Variants in ADAMTSL1 observed in about 807,000 individuals in gnomAD.
ADAMTSL1 encodes the protein ADAMTS like 1.
In ADAMTSL1, 126 loss-of-function variants were observed where a neutral mutation model predicts 201.8. The observed-to-expected ratio is 0.62, with a 90% CI of 0.54 to 0.72. ADAMTSL1 has a LOEUF of 0.72. ADAMTSL1 is among the 30% of genes least tolerant of loss of function. The probability of loss-of-function intolerance (pLI) is 0.00; values close to 1 mark genes in which losing one functional copy is unlikely to be tolerated. For synonymous variants in ADAMTSL1, 1,121 were observed against 903.4 expected (o/e 1.24, Z -4.32); for missense variants, 2,679 against 2,277.8 (o/e 1.18, Z -3.59).
chr9:18,026,992 C>T (rs1820724815), intron 1 of ADAMTSL1, among the ~76,000 whole-genome samples: 1 of 151,786 alleles, frequency 6.6e-6, no homozygotes, highest in Non-Finnish European at 1.5e-5. Context: ...TAGTTTGTAT[C>T]CATAGAGGTG....
intron 2 of ADAMTSL1, among the ~76,000 whole-genome samples, chr9:18,245,339 A>G (rs1831218733): frequency 6.6e-6 from 1 of 152,164 alleles, no homozygotes; most frequent in Non-Finnish European, 1.5e-5. Flanking sequence ...GGGATAGCTT[A>G]TATTCCTATT....
chr9:18,414,427 G>A (rs2133329660), intron 2 of ADAMTSL1, among the ~76,000 whole-genome samples: 1 of 152,094 alleles, frequency 6.6e-6, no homozygotes, highest in Middle Eastern at 3.4e-3. Context: ...AGAAATAATA[G>A]TTTCCACTTC....
intron 2 of ADAMTSL1, among the ~76,000 whole-genome samples, chr9:18,178,152 C>G (rs1233524781): frequency 6.6e-5 from 10 of 152,188 alleles, no homozygotes; most frequent in Non-Finnish European, 1.2e-4. Flanking sequence ...ACAGTGGGCG[C>G]AGGTCAGTGG....
chr9:18,445,853 A>G (rs976671970), intron 2 of ADAMTSL1, among the ~76,000 whole-genome samples: 2 of 152,172 alleles, frequency 1.3e-5, no homozygotes, highest in African/African-American at 4.8e-5. Context: ...AGAATAATAT[A>G]CTAAGAATTA....
At chr9:18,215,728 C>A (rs182285626) in intron 2 of ADAMTSL1, among the ~76,000 whole-genome samples, 2 of 152,292 alleles carry the variant, frequency 1.3e-5, no homozygotes, top group Non-Finnish European at 2.9e-5. Flanking sequence ...GTTTTTGCTG[C>A]TCTTGCAGAT....
At chr9:18,601,483 G>A (rs1727997361) in intron 4 of ADAMTSL1, among the ~76,000 whole-genome samples, 1 of 152,172 alleles carries the variant, frequency 6.6e-6, no homozygotes, top group Admixed American at 6.6e-5. Flanking sequence ...AATTCCCAGG[G>A]AAGAGAGTCT....
intron 1 of ADAMTSL1, among the ~76,000 whole-genome samples, chr9:18,141,553 A>G (rs1196966300): frequency 6.6e-6 from 1 of 152,192 alleles, no homozygotes; most frequent in African/African-American, 2.4e-5. Flanking sequence ...GGCAGCACAG[A>G]GGTGTCTAGC....
chr9:18,838,041 G>A (rs1056036768), intron 23 of ADAMTSL1, among the ~76,000 whole-genome samples: 5 of 151,972 alleles, frequency 3.3e-5, no homozygotes, highest in Admixed American at 1.3e-4. Context: ...TTTTCTTCCC[G>A]AGACTGGGAA....
At chr9:18,482,557 T>C (rs1393213020) in intron 1 of ADAMTSL1, among the ~76,000 whole-genome samples, 1 of 152,196 alleles carries the variant, frequency 6.6e-6, no homozygotes, top group Non-Finnish European at 1.5e-5. Flanking sequence ...CATCCTGACA[T>C]AAATTCCAAG....
At chr9:18,035,663 C>G (rs1222611799) in intron 1 of ADAMTSL1, among the ~76,000 whole-genome samples, 2 of 152,122 alleles carry the variant, frequency 1.3e-5, no homozygotes, top group Non-Finnish European at 2.9e-5. Context: ...TTTTTCCTCC[C>G]ATAGTGCTCC....
rs530448607 is a variant in ADAMTSL1, at chr9:18,899,998, C to G, written c.4852-5784C>G. On this transcript the variant is annotated intron_variant, in intron 26 of 28. Transcript: ENST00000380548. ...CAAAAGAAACTATCATTAGAGAGAA[C>G]AGACAACCTACAGAATAGGAGAAAA... Among the ~76,000 whole-genome samples, 5 of 152,152 alleles carry G rather than the reference C, an allele frequency of 3.3e-5. No individual in the cohort carries two copies. In the South Asian group the frequency reaches 1.0e-3, roughly 31 times the overall value.
intron 23 of ADAMTSL1, among the ~76,000 whole-genome samples, chr9:18,864,799 A>T (rs1827404784): frequency 6.6e-6 from 1 of 152,224 alleles, no homozygotes; most frequent in African/African-American, 2.4e-5. Flanking sequence ...GGCACATTAT[A>T]GGTTACATCT....
chr9:18,840,064 C>A (rs1825611594), intron 23 of ADAMTSL1, among the ~76,000 whole-genome samples: 1 of 147,878 alleles, frequency 6.8e-6, no homozygotes, highest in African/African-American at 2.5e-5. Flanking sequence ...TCAATTTTGT[C>A]TTTTGTTGCC....
intron 1 of ADAMTSL1, among the ~76,000 whole-genome samples, chr9:17,966,578 G>A (rs1260436256): frequency 1.3e-5 from 2 of 152,070 alleles, no homozygotes; most frequent in African/African-American, 4.8e-5. Context: ...TGTGCATCCA[G>A]TGATAATATA....
intron 1 of ADAMTSL1, among the ~76,000 whole-genome samples, chr9:17,954,165 G>T (rs1827842052): frequency 6.6e-6 from 1 of 152,168 alleles, no homozygotes; most frequent in African/African-American, 2.4e-5. Context: ...TTTACAGCAT[G>T]GGAAGAATGC....
intron 13 of ADAMTSL1, among the ~76,000 whole-genome samples, chr9:18,706,453 C>T (rs757507238): frequency 1.3e-5 from 2 of 152,114 alleles, no homozygotes; most frequent in African/African-American, 2.4e-5. Flanking sequence ...CCACCAATTC[C>T]CTGCTTGGAA....
chr9:18,857,887 A>G (rs528144039), intron 23 of ADAMTSL1, among the ~76,000 whole-genome samples: 45 of 152,328 alleles, frequency 3.0e-4, no homozygotes, highest in African/African-American at 1.1e-3. Flanking sequence ...ACACGTTCAT[A>G]TCATTCTTTA....
intron 1 of ADAMTSL1, among the ~76,000 whole-genome samples, chr9:17,975,219 T>C (rs1309622700): frequency 1.3e-5 from 2 of 152,108 alleles, no homozygotes; most frequent in African/African-American, 4.8e-5. Flanking sequence ...CATTTTTTTT[T>C]CTTTGGCTAC....
intron 19 of ADAMTSL1, among the ~76,000 whole-genome samples, chr9:18,794,198 C>T (rs1477051989): frequency 1.3e-5 from 2 of 152,004 alleles, no homozygotes; most frequent in East Asian, 3.9e-4. Flanking sequence ...CACATGAGCC[C>T]AGGAGTTCAA....
Sources: allele counts gnomAD v4.1 joint callset (sites outside exome capture counted in the v4.1 genomes callset), GRCh38; gene constraint gnomAD v4.1.1; transcripts MANE v1.5; gene names NCBI Gene and HGNC (gene_info 2026-07-23, HGNC 2026-07-21).